MEI1: variants seen among roughly 807,000 people sequenced by gnomAD.
MEI1 encodes meiosis inhibitor protein 1.
Under a neutral mutation model 146.2 loss-of-function variants are expected in MEI1, and 103 were observed. The observed-to-expected ratio is 0.70, with a 90% CI of 0.60 to 0.83. The LOEUF (loss-of-function observed/expected upper bound fraction) is 0.83. Ranked by LOEUF, MEI1 falls within the 40% of genes least tolerant of loss-of-function variation. The pLI, the probability that MEI1 is intolerant of heterozygous loss-of-function variation, is 0.00. For missense variants in MEI1, 1,529 were observed against 1,533.0 expected (o/e 1.00, Z 0.04); for synonymous variants, 652 against 628.2 (o/e 1.04, Z -0.57).
At chr22:41,740,106 A>G in intron 11 of MEI1, among the ~76,000 whole-genome samples, 1 of 150,398 alleles carries the variant, frequency 6.6e-6, no homozygotes, top group South Asian at 2.1e-4. Context: ...CACAACCTCC[A>G]CCTCCCAGGT....
At chr22:41,742,421 TCTC>T (rs1228381192) in intron 11 of MEI1, among the ~76,000 whole-genome samples, 3 of 152,156 alleles carry the variant, frequency 2.0e-5, no homozygotes, top group Non-Finnish European at 4.4e-5. Context: ...ACCAGCAGGC[TCTC>T]CTCTGCGAGA....
chr22:41,701,888 CAG>C (rs371546224), intron 1 of MEI1, among the ~76,000 whole-genome samples: 7 of 152,160 alleles, frequency 4.6e-5, no homozygotes, highest in African/African-American at 1.2e-4. Flanking sequence ...TGGGGATAAT[CAG>C]AGTGTTTGAA....
chr22:41,747,493 C>G (rs1268330785), intron 14 of MEI1: 4 of 152,148 alleles, frequency 2.6e-5, no homozygotes, highest in Non-Finnish European at 5.9e-5. Context: ...CACTTGAGAT[C>G]AGGAGTTTAA....
Position 41,795,779 on chromosome 22 carries a change from C to T in MEI1, c.3711C>T (p.Thr1237=). 1 of 1,613,816 alleles carries T rather than the reference C, an allele frequency of 6.2e-7. No homozygotes were observed. The highest frequency in any genetic ancestry group is 8.5e-7 in the Non-Finnish European group (1 of 1,179,814). ...TGGCTGACCACAGCATGGCCCAGAC[C>T]CTGCAGGCCTCCTTGGAGGGCCTTC... ...GHLADHSMAQ[T]LQASLEGLPP... is the part of the protein sequence containing the mutation. The change falls in exon 30 of 31, where the codon ACC becomes ACT. Residue 1237 remains threonine, a synonymous_variant. Transcript: ENST00000401548. The surrounding 1 kb of genome is among the most constrained non-coding windows in gnomAD (Gnocchi z 4.2).
Position 41,730,720 on chromosome 22 carries a change from T to C in MEI1, c.1096+83T>C. 3 of 843,586 alleles carry C rather than the reference T, an allele frequency of 3.6e-6. No homozygotes were observed. The South Asian group carries it at 4.1e-5, about 11-fold the overall frequency. 52.3% of individuals were successfully genotyped at this position (843,586 alleles called of 1,614,324 possible). Reference sequence around the variant, plus strand: ...GGTAGCAGCCGCAGTGATGGGGGGCTAGCCTCCACCTTGGAGGGGAGCACT... The same window carrying C: ...GGTAGCAGCCGCAGTGATGGGGGGCCAGCCTCCACCTTGGAGGGGAGCACT... On this transcript the variant is annotated intron_variant, in intron 9 of 30. Transcript: ENST00000401548.
intron 26 of MEI1, among the ~76,000 whole-genome samples, chr22:41,786,135 C>T (rs185198615): frequency 0.017 from 2,628 of 151,648 alleles, 31 homozygotes; most frequent in Non-Finnish European, 0.025. Context: ...TGGTCTCGAT[C>T]TCCTGACCTC....
At chr22:41,707,665 A>G (rs112082055) in intron 3 of MEI1, among the ~76,000 whole-genome samples, 1,669 of 152,312 alleles carry the variant, frequency 0.011, 16 homozygotes, top group Non-Finnish European at 0.016. Flanking sequence ...TTAAGGGGAT[A>G]CTTACATGAA....
chr22:41,730,907 T>C (rs972875074), intron 9 of MEI1, among the ~76,000 whole-genome samples: 2 of 152,222 alleles, frequency 1.3e-5, no homozygotes, highest in African/African-American at 4.8e-5. Context: ...TCCTGTTGCA[T>C]GTTAACAACA....
At chr22:41,737,190 C>A (rs2072448640) in intron 11 of MEI1, among the ~76,000 whole-genome samples, 1 of 152,090 alleles carries the variant, frequency 6.6e-6, no homozygotes, top group Non-Finnish European at 1.5e-5. Context: ...TCCTAATTGA[C>A]CTTATCAGAC....
chr22:41,748,368 G>A (rs17449595), intron 15 of MEI1, 150 bp downstream of exon 15: 27,323 of 648,966 alleles, frequency 0.042, 768 homozygotes, highest in South Asian at 0.076. Flanking sequence ...TGAGTGAAAG[G>A]AAGTGTCAGG....
chr22:41,759,119 G>A (rs1458136309), intron 18 of MEI1, among the ~76,000 whole-genome samples: 1 of 152,088 alleles, frequency 6.6e-6, no homozygotes, highest in African/African-American at 2.4e-5. Flanking sequence ...CTCCAGCCTG[G>A]GTGACAGAGT....
At chr22:41,762,448 C>T (rs1050448261) in intron 18 of MEI1, among the ~76,000 whole-genome samples, 2 of 151,896 alleles carry the variant, frequency 1.3e-5, no homozygotes, top group African/African-American at 2.4e-5. Flanking sequence ...AATCATGGCT[C>T]GCTGCAGCCT....
At chr22:41,738,730 C>T (rs532206896) in intron 11 of MEI1, among the ~76,000 whole-genome samples, 2 of 151,624 alleles carry the variant, frequency 1.3e-5, no homozygotes, top group African/African-American at 4.8e-5. Context: ...CAAGATCACG[C>T]CACTGCACTA....
intron 14 of MEI1, among the ~76,000 whole-genome samples, chr22:41,747,740 A>T (rs1420157787): frequency 6.8e-6 from 1 of 147,744 alleles, no homozygotes; most frequent in African/African-American, 2.5e-5. Flanking sequence ...CCCCCCCAAA[A>T]AAAACAAATA....
chr22:41,778,496 T>G (rs1270979079), intron 21 of MEI1, among the ~76,000 whole-genome samples: 2 of 152,254 alleles, frequency 1.3e-5, no homozygotes, highest in Non-Finnish European at 2.9e-5. Context: ...AATGAATTCC[T>G]GGTACCAACC....
intron 19 of MEI1, among the ~76,000 whole-genome samples, chr22:41,765,621 A>T (rs1485073730): frequency 1.3e-5 from 2 of 152,128 alleles, no homozygotes; most frequent in Non-Finnish European, 2.9e-5. Context: ...GATTAGCCAG[A>T]TTCACCAATT....
At chr22:41,775,968 C>A (rs2075418127) in intron 20 of MEI1, 134 bp from the exon 21 acceptor site, 5 of 821,764 alleles carry the variant, frequency 6.1e-6, no homozygotes, top group Non-Finnish European at 7.7e-6. Context: ...ATAATAGGTG[C>A]TGAGTAAGTG....
intron 30 of MEI1, among the ~76,000 whole-genome samples, chr22:41,798,225 G>GCACACACA (rs138708111): frequency 1.2e-4 from 18 of 147,260 alleles, no homozygotes; most frequent in East Asian, 6.0e-4. Flanking sequence ...ATGGCCAGGT[G>GCACACACA]CACACACACA....
intron 18 of MEI1, among the ~76,000 whole-genome samples, chr22:41,762,278 T>C (rs541287321): frequency 7.2e-5 from 11 of 152,076 alleles, no homozygotes; most frequent in African/African-American, 2.7e-4. Context: ...TGTCCTGTCC[T>C]ATCCTGTCCT....
Sources: gnomAD v4.1 joint callset for allele counts (sites outside exome capture counted in the v4.1 genomes callset) on GRCh38, gnomAD v4.1.1 for gene constraint, Gnocchi (gnomAD v3.1) non-coding constraint, MANE v1.5 for transcripts, NCBI Gene and HGNC (gene_info 2026-07-23, HGNC 2026-07-21) for gene names.